POLD3: variants seen among roughly 807,000 people sequenced by gnomAD.
POLD3 encodes the protein DNA polymerase delta subunit 3.
POLD3 carries 19 observed loss-of-function variants against 58.2 expected under a neutral mutation model. That is an observed-to-expected ratio of 0.33 (90% CI 0.23 to 0.48). The LOEUF (loss-of-function observed/expected upper bound fraction) is 0.48. Among genes scored for constraint, POLD3 ranks in the 20% least tolerant of loss-of-function variants. The pLI, the probability that POLD3 is intolerant of heterozygous loss-of-function variation, is 0.99. For missense variants in POLD3, 504 were observed against 545.5 expected, an observed-to-expected ratio of 0.92 and a Z score of 0.76; for synonymous variants, 172 against 193.5, an observed-to-expected ratio of 0.89 and a Z score of 0.92.
chr11:74,649,545 C>T (rs528968221), intron 4 of POLD3, among the ~76,000 whole-genome samples: 2 of 152,298 alleles, frequency 1.3e-5, no homozygotes, highest in Admixed American at 1.3e-4. Flanking sequence ...TCTTTTCTAG[C>T]AGTAAGTTTT....
Position 74,629,226 on chromosome 11 carries a change from A to C in POLD3, c.909A>C (p.Arg303=), listed in dbSNP as rs1270635393. 3 of 1,591,950 alleles carry C rather than the reference A, an allele frequency of 1.9e-6. No individual in the cohort carries two copies. The highest frequency in any genetic ancestry group is 2.6e-6 in the Non-Finnish European group (3 of 1,165,456). The part of the protein sequence containing the change: ...VLQKEKKRGK[R]VALSDDETKE... ...TTCTGGATGGCAACAGGGGGAAGCGAGTAGCATTATCTGATGATGAGACAA... is the reference window on the plus strand; with the variant it reads ...TTCTGGATGGCAACAGGGGGAAGCGCGTAGCATTATCTGATGATGAGACAA... The change falls in exon 9 of 12, where the codon CGA becomes CGC. Residue 303 remains arginine (R), a synonymous_variant. Transcript: ENST00000263681.
At chr11:74,667,301 C>T (rs1223437529) in intron 4 of POLD3, among the ~76,000 whole-genome samples, 8 of 152,142 alleles carry the variant, frequency 5.3e-5, no homozygotes, top group Non-Finnish European at 1.0e-4. Flanking sequence ...TTTGGGAGGC[C>T]GAGGCGGGCA....
At chr11:74,627,360 G>T (rs2032461496) in intron 8 of POLD3, among the ~76,000 whole-genome samples, 1 of 152,080 alleles carries the variant, frequency 6.6e-6, no homozygotes, top group African/African-American at 2.4e-5. Context: ...AAATATTTTT[G>T]TACAGCTGTA....
In POLD3 at chr11:74,641,425, A is replaced by C. The variant is rs991073597; in HGVS notation, c.*659A>C. ...AAGCTCTCTGGGACCTTCACTTGCA[A>C]TTAGTGGTTAGGGAAAAGCCTCAGG... On this transcript the variant is annotated 3_prime_UTR_variant, in exon 12 of 12. Transcript: ENST00000263681. 1.0e-6 allele frequency: 1 copy of C among 985,358 alleles called. No homozygotes were observed. The highest frequency in any genetic ancestry group is 1.7e-5 in the African/African-American group (1 of 57,236). The allele number at this position is 985,358 out of a possible 1,614,324, so 61.0% of individuals were successfully genotyped here. A position where few individuals can be genotyped will look rare whatever the true frequency, so the allele number is the denominator to read the frequency against.
chr11:74,636,156 A>G, intron 10 of POLD3, 41 bp from the exon 11 acceptor site: 1 of 1,579,212 alleles, frequency 6.3e-7, no homozygotes, highest in Non-Finnish European at 8.7e-7. Flanking sequence ...TCTGTATAAC[A>G]TAATTGATCC....
At chr11:74,595,165 C>CTTTTTTTTT (rs201138024) in intron 2 of POLD3, 11 of 104,992 alleles carry the variant, frequency 1.0e-4, no homozygotes, top group Non-Finnish European at 2.2e-4. Flanking sequence ...TGGATGAACT[C>CTTTTTTTTT]TTTTTTTTTT....
chr11:74,653,322 T>TACACACAGACACACACACAC (rs58772611), intron 4 of POLD3, among the ~76,000 whole-genome samples: 1 of 9,650 alleles, frequency 1.0e-4, no homozygotes, highest in Non-Finnish European at 2.1e-4. Flanking sequence ...CTAAGAGAGA[T>TACACACAGACACACACACAC]ACACACACAC....
chr11:74,662,522 C>A (rs1457281778), intron 4 of POLD3, among the ~76,000 whole-genome samples: 1 of 152,018 alleles, frequency 6.6e-6, no homozygotes, highest in Middle Eastern at 3.2e-3. Context: ...TTCCCACTGC[C>A]CTATCCTGTC....
intron 4 of POLD3, among the ~76,000 whole-genome samples, chr11:74,656,260 GTT>G (rs1294536195): frequency 2.0e-5 from 3 of 152,032 alleles, no homozygotes; most frequent in Admixed American, 6.6e-5. Context: ...TATCCCATAG[GTT>G]TTATATGTTG....
At chr11:74,603,589 C>G (rs1385465459) in intron 2 of POLD3, among the ~76,000 whole-genome samples, 1 of 151,956 alleles carries the variant, frequency 6.6e-6, no homozygotes, top group Non-Finnish European at 1.5e-5. Context: ...CACTCTAATA[C>G]ATAGAGTGAA....
At position 74,640,638 on chromosome 11, in the gene POLD3, C is replaced by T; in HGVS notation, c.1273C>T (p.His425Tyr). Residue 425 changes from histidine (H) to tyrosine (Y), a missense_variant, in exon 12 of 12, where the codon CAC (histidine) becomes TAC (tyrosine). Around this residue, in one of 2 missense-constraint regions of POLD3, gnomAD observed 385 missense variants for 370.5 expected, o/e 1.04. Coordinates refer to ENST00000263681, the MANE Select transcript of POLD3 (RefSeq NM_006591.3). ...GCTTAACATGAAGACATCCTCAGTACACAGACCCCCTGCCATGACTGTGAA... is the reference window on the plus strand; with the variant it reads ...GCTTAACATGAAGACATCCTCAGTATACAGACCCCCTGCCATGACTGTGAA... Reference protein sequence around the residue: ...EELNMKTSSVHRPPAMTVKKE... With the variant: ...EELNMKTSSVYRPPAMTVKKE... The T allele has an allele frequency of 6.2e-7, 1 of 1,611,406 alleles. No homozygotes were observed. The highest frequency in any genetic ancestry group is 8.5e-7 in the Non-Finnish European group (1 of 1,178,850).
At chr11:74,618,835 G>A in intron 6 of POLD3, 31 bp downstream of exon 6, 4 of 1,579,220 alleles carry the variant, frequency 2.5e-6, no homozygotes, top group Non-Finnish European at 3.5e-6. Flanking sequence ...CCCCTTCATT[G>A]CAGCTCAGAG....
intron 2 of POLD3, among the ~76,000 whole-genome samples, chr11:74,603,114 A>T (rs1439153543): frequency 2.0e-5 from 3 of 152,180 alleles, no homozygotes; most frequent in Non-Finnish European, 2.9e-5. Context: ...CTAAGAGTGG[A>T]CTTTGCTTTA....
At chr11:74,664,780 G>T (rs2135202048) in intron 4 of POLD3, among the ~76,000 whole-genome samples, 1 of 152,232 alleles carries the variant, frequency 6.6e-6, no homozygotes, top group East Asian at 1.9e-4. Context: ...TAGAATAAAG[G>T]ACAAAAACCA....
chr11:74,638,586 G>T (rs770414691), intron 11 of POLD3: 2 of 454,666 alleles, frequency 4.4e-6, no homozygotes, highest in South Asian at 1.6e-5. Flanking sequence ...ATAACAGCTC[G>T]TAATTTTGTC....
intron 8 of POLD3, chr11:74,628,737 A>G (rs2032503065): frequency 6.6e-6 from 1 of 152,266 alleles, no homozygotes; most frequent in African/African-American, 2.4e-5. Flanking sequence ...TTTTCCAAAT[A>G]TGAATTATAT....
At chr11:74,644,641 A>G (rs374996183), downstream of POLD3, among the ~76,000 whole-genome samples, 1 of 152,210 alleles carries the variant, frequency 6.6e-6, no homozygotes, top group Non-Finnish European at 1.5e-5. Context: ...TTCTGATCCA[A>G]TATTTTTCCA....
At chr11:74,652,799 T>A (rs7924706) in intron 4 of POLD3, 88,189 of 162,558 alleles carry the variant, frequency 0.54, 24,499 homozygotes, top group Non-Finnish European at 0.61. Flanking sequence ...TAACTTGGAG[T>A]TTGTTGCCAT....
chr11:74,623,136 A>G (rs1338544988), intron 7 of POLD3, among the ~76,000 whole-genome samples: 1 of 152,238 alleles, frequency 6.6e-6, no homozygotes, highest in Non-Finnish European at 1.5e-5. Flanking sequence ...GCAGGTCTAT[A>G]GAGACAGAAA....
Sources: allele counts gnomAD v4.1 joint callset (sites outside exome capture counted in the v4.1 genomes callset), GRCh38; gene constraint gnomAD v4.1.1; regional missense constraint gnomAD v4.1.1; transcripts MANE v1.5; gene names NCBI Gene and HGNC (gene_info 2026-07-23, HGNC 2026-07-21).